The following CIT variants were observed in gnomAD, a reference collection of about 807,000 sequenced individuals.
CIT encodes citron rho-interacting serine/threonine kinase.
A neutral mutation model predicts 272.7 loss-of-function variants in CIT; 79 were observed. The observed-to-expected ratio is 0.29, with a 90% CI of 0.24 to 0.35. The LOEUF (loss-of-function observed/expected upper bound fraction) is 0.35, where lower values mean the gene tolerates loss of function less well. Among genes scored for constraint, CIT ranks in the 10% least tolerant of loss-of-function variants. The pLI, the probability that CIT is intolerant of heterozygous loss-of-function variation, is 1.00. For synonymous variants in CIT, 948 were observed against 995.6 expected, an observed-to-expected ratio of 0.95 and a Z score of 0.90; for missense variants, 1,909 against 2,618.3, an observed-to-expected ratio of 0.73 and a Z score of 5.91.
chr12:119,720,412 G>C, intron 30 of CIT, 66 bp downstream of exon 30: 6 of 1,011,790 alleles, frequency 5.9e-6, no homozygotes, highest in Non-Finnish European at 9.2e-6. Context: ...TATCACAGTG[G>C]TGTCCACTGA....
At chr12:119,726,440 T>C (rs1484717071) in intron 28 of CIT, among the ~76,000 whole-genome samples, 1 of 137,906 alleles carries the variant, frequency 7.3e-6, no homozygotes, top group African/African-American at 2.7e-5. Context: ...CTATGTTGCC[T>C]ATACTGGTCT....
intron 26 of CIT, among the ~76,000 whole-genome samples, chr12:119,732,502 G>T (rs746937502): frequency 1.2e-4 from 18 of 152,150 alleles, no homozygotes; most frequent in Non-Finnish European, 2.1e-4. Context: ...GATTCAGAAG[G>T]AAGCTGGAAT....
rs780952243 is a variant in CIT at position 119,721,460 on chromosome 12, G to A, written c.3592-11C>T. The A allele has an allele frequency of 1.3e-6, 2 of 1,598,508 alleles. No individual in the cohort carries two copies. The highest frequency in any genetic ancestry group is 1.7e-6 in the Non-Finnish European group (2 of 1,167,536). ...CTGTAATTTGGCTTGCTAGTGGGGA[G>A]AAGGGCCAGGGAAATGCTTGATACT... On this transcript the variant is annotated splice_polypyrimidine_tract_variant and intron_variant, in intron 28 of 47. Coordinates refer to ENST00000392521, the MANE Select transcript of CIT (RefSeq NM_001206999.2).
Position 119,734,144 on chromosome 12 carries a change from C to T in CIT, c.3350+20G>A. Reference sequence around the variant, plus strand: ...CCTGCGGTCACCTGTCATGAGCTTTCCACAAACACAAAGCCCCACCTGCTC... The same window carrying T: ...CCTGCGGTCACCTGTCATGAGCTTTTCACAAACACAAAGCCCCACCTGCTC... On this transcript the variant is annotated intron_variant, in intron 26 of 47. Transcript: ENST00000392521. The T allele has an allele frequency of 1.2e-6, 2 of 1,611,798 alleles. No homozygotes were observed. The highest frequency in any genetic ancestry group is 1.1e-5 in the South Asian group (1 of 90,956).
chr12:119,796,941 T>C (rs1217557638), intron 10 of CIT, among the ~76,000 whole-genome samples: 1 of 152,192 alleles, frequency 6.6e-6, no homozygotes, highest in Non-Finnish European at 1.5e-5. Context: ...TTAGGTACAA[T>C]CAACGGCTTC....
In CIT at chr12:119,782,572, C is replaced by G. The variant is rs758082050; in HGVS notation, c.1611G>C (p.Gln537His). Residue 537 changes from glutamine to histidine, a missense_variant, in exon 13 of 48, where the codon CAG (glutamine) becomes CAC (histidine). Gln to His is a conservative substitution (Grantham distance 24, BLOSUM62 0). Transcript: ENST00000392521. The part of the protein sequence containing the change: ...EVSQEDDKAL[Q>H]LLHDIREQSR... The stretch of plus-strand genomic sequence containing the variant: ...TCTGCTCTCTGATATCATGGAGAAG[C>G]TGCAGTGCTTTGTCATCCTCCTGGG... 2.8e-5 allele frequency: 46 copies of G among 1,614,080 alleles called. No homozygotes were observed. The highest frequency in any genetic ancestry group is 3.8e-5 in the Non-Finnish European group (45 of 1,180,040).
intron 2 of CIT, among the ~76,000 whole-genome samples, chr12:119,869,470 A>G (rs1364323343): frequency 6.6e-6 from 1 of 151,672 alleles, no homozygotes; most frequent in Non-Finnish European, 1.5e-5. Context: ...AAGCTCCCTC[A>G]CTCCTGAGGG....
At chr12:119,730,456 A>G (rs1028534430) in intron 27 of CIT, 39 bp downstream of exon 27, 8 of 1,543,968 alleles carry the variant, frequency 5.2e-6, no homozygotes, top group Non-Finnish European at 6.1e-6. Flanking sequence ...GAAGGAAACG[A>G]AAATGTTTTC....
At chr12:119,793,436 C>A (rs1263617151) in intron 10 of CIT, among the ~76,000 whole-genome samples, 1 of 152,172 alleles carries the variant, frequency 6.6e-6, no homozygotes, top group East Asian at 1.9e-4. Context: ...TATCCACCCT[C>A]CACACAATGG....
chr12:119,692,984 C>T (rs761728092), intron 46 of CIT, among the ~76,000 whole-genome samples: 22 of 152,046 alleles, frequency 1.4e-4, no homozygotes, highest in African/African-American at 4.8e-4. Context: ...AAATAAATTC[C>T]GAGTAGGAGA....
intron 3 of CIT, among the ~76,000 whole-genome samples, chr12:119,867,868 T>C (rs1397642400): frequency 6.6e-6 from 1 of 152,184 alleles, no homozygotes; most frequent in African/African-American, 2.4e-5. Context: ...TATGACTTCA[T>C]AGGCCCTAGG....
chr12:119,760,203 AAGAG>A (rs1175272379), intron 20 of CIT, among the ~76,000 whole-genome samples: 2 of 151,502 alleles, frequency 1.3e-5, no homozygotes, highest in African/African-American at 4.8e-5. Context: ...AAAAAAAAAA[AAGAG>A]AGAGATTCTG....
At chr12:119,731,472 T>G (rs1258044332) in intron 26 of CIT, among the ~76,000 whole-genome samples, 1 of 118,090 alleles carries the variant, frequency 8.5e-6, no homozygotes, top group Admixed American at 9.2e-5. Flanking sequence ...AAGACTCCAT[T>G]CTCAAAAAAA....
At chr12:119,833,295 A>C (rs1968769657) in intron 6 of CIT, among the ~76,000 whole-genome samples, 1 of 152,184 alleles carries the variant, frequency 6.6e-6, no homozygotes, top group African/African-American at 2.4e-5. Context: ...TGGACTAACA[A>C]TCATTGTATT....
intron 13 of CIT, among the ~76,000 whole-genome samples, chr12:119,779,176 C>T (rs557498087): frequency 2.8e-4 from 42 of 152,216 alleles, no homozygotes; most frequent in African/African-American, 8.4e-4. Context: ...GCTGAGATTA[C>T]ACCACTGCCC....
Position 119,712,480 on chromosome 12 carries a change from A to C in CIT, c.4684+111T>G. 7.2e-7 allele frequency: 1 copy of C among 1,387,958 alleles called. No individual in the cohort carries two copies. Among genetic ancestry groups the C allele is most frequent in the South Asian group, 1.3e-5 (1 of 77,934 alleles). 86.0% of individuals were successfully genotyped at this position (1,387,958 alleles called of 1,614,324 possible). ...TTACCGCCAAGGCGGGGAGCGGAGG[A>C]AGATGGGCCTCCTTTGCAGAGCCAA... On this transcript the variant is annotated intron_variant, in intron 36 of 47. Coordinates refer to ENST00000392521, the MANE Select transcript of CIT (RefSeq NM_001206999.2). This position sits in a 1 kb window ranked among gnomAD's most constrained non-coding sequence, Gnocchi z 5.2.
intron 3 of CIT, among the ~76,000 whole-genome samples, chr12:119,862,839 A>AAAAAAAAACAAAAAAAAAAAAC (rs1950392888): frequency 7.5e-6 from 1 of 134,186 alleles, no homozygotes; most frequent in Admixed American, 7.3e-5. Flanking sequence ...AAAAAAAAAA[A>AAAAAAAAACAAAAAAAAAAAAC]AGAAAAAACC....
Position 119,709,761 on chromosome 12 carries a change from A to AG in CIT, c.5071+489_5071+490insC, listed in dbSNP as rs1491327006. On this transcript the variant is annotated intron_variant, in intron 39 of 47. Coordinates refer to ENST00000392521, the MANE Select transcript of CIT (RefSeq NM_001206999.2). ...GCAACTAACTCTCAAATGGTTCAGG[A>AG]AAGAGAGAGAGAGAGAGAGAGAGAG... Among the ~76,000 whole-genome samples the AG allele has an allele frequency of 5.2e-4, 46 of 89,264 alleles. 1 individual carries two copies. The highest frequency in any genetic ancestry group is 2.2e-3 in the African/African-American group (43 of 19,134). 58.6% of individuals were successfully genotyped at this position (89,264 alleles called of 152,430 possible).
Position 119,735,220 on chromosome 12 carries a change from T to C in CIT, c.3096A>G (p.Glu1032=). 6.2e-7 allele frequency: 1 copy of C among 1,614,184 alleles called. No individual in the cohort carries two copies. Among genetic ancestry groups the C allele is most frequent in the South Asian group, 1.1e-5 (1 of 91,084 alleles). The change falls in exon 25 of 48, where the codon GAA becomes GAG. Residue 1032 remains glutamate, a synonymous_variant. Coordinates refer to ENST00000392521, the MANE Select transcript of CIT (RefSeq NM_001206999.2). ...TGATCTCCCGGCGGAGATGGTCCAC[T>C]TCACTTCGCAGTTGTACAATCTCGT... ...ANDEIVQLRS[E]VDHLRREITE... is the part of the protein sequence containing the mutation.
Sources: allele counts gnomAD v4.1 joint callset (sites outside exome capture counted in the v4.1 genomes callset), GRCh38; gene constraint gnomAD v4.1.1; non-coding constraint Gnocchi (gnomAD v3.1); transcripts MANE v1.5; gene names NCBI Gene and HGNC (gene_info 2026-07-23, HGNC 2026-07-21).